The following ELMO1 variants were observed in gnomAD, a reference collection of about 807,000 sequenced individuals.
The protein encoded by ELMO1 is engulfment and cell motility protein 1.
ELMO1 carries 26 observed loss-of-function variants against 98.9 expected under a neutral mutation model. The observed-to-expected ratio is 0.26, with a 90% CI of 0.19 to 0.36. The LOEUF (loss-of-function observed/expected upper bound fraction) is 0.36, where lower values mean the gene tolerates loss of function less well. ELMO1 is among the 10% of genes least tolerant of loss of function. ELMO1 has a pLI of 1.00. For missense variants in ELMO1, 627 were observed against 935.2 expected (o/e 0.67, Z 4.30); for synonymous variants, 346 against 346.0 (o/e 1.00, Z 0.00).
chr7:37,191,624 T>C (rs904527789), intron 13 of ELMO1, among the ~76,000 whole-genome samples: 1 of 151,996 alleles, frequency 6.6e-6, no homozygotes, highest in Non-Finnish European at 1.5e-5. Context: ...CTTAATAAAA[T>C]GTTATCTGGC....
chr7:37,292,572 G>A (rs1583473072), intron 4 of ELMO1, among the ~76,000 whole-genome samples: 1 of 111,626 alleles, frequency 9.0e-6, no homozygotes. Context: ...CCCATCGTCT[G>A]AGATGTGGGG....
intron 15 of ELMO1, among the ~76,000 whole-genome samples, chr7:37,075,485 T>C (rs1035249969): frequency 8.6e-5 from 13 of 151,836 alleles, no homozygotes; most frequent in African/African-American, 2.9e-4. Flanking sequence ...CGGAACATTA[T>C]CTTTCCGATA....
chr7:37,398,128 C>T (rs921788223), intron 1 of ELMO1, among the ~76,000 whole-genome samples: 15 of 152,260 alleles, frequency 9.9e-5, no homozygotes, highest in Admixed American at 1.3e-4. Flanking sequence ...ATATAACAAA[C>T]GTGCACACCT....
intron 15 of ELMO1, among the ~76,000 whole-genome samples, chr7:37,055,695 T>C (rs948387943): frequency 6.6e-6 from 1 of 152,168 alleles, no homozygotes; most frequent in Non-Finnish European, 1.5e-5. Flanking sequence ...GCAACACACA[T>C]GCTCACCACA....
At chr7:36,907,151 CAA>C (rs200163255) in intron 16 of ELMO1, among the ~76,000 whole-genome samples, 1 of 144,946 alleles carries the variant, frequency 6.9e-6, no homozygotes, top group African/African-American at 2.5e-5. Context: ...TATGTGCAAA[CAA>C]AAAAAAAAAT....
At chr7:37,125,017 C>G (rs541158703) in intron 14 of ELMO1, among the ~76,000 whole-genome samples, 218 of 152,154 alleles carry the variant, frequency 1.4e-3, no homozygotes, top group Non-Finnish European at 1.4e-3. Context: ...ACAAACCTGA[C>G]AAAAACAAGA....
intron 14 of ELMO1, among the ~76,000 whole-genome samples, 175 bp from the exon 15 acceptor site, chr7:37,096,902 T>TC (rs956052813): frequency 6.6e-6 from 1 of 152,042 alleles, no homozygotes; most frequent in Non-Finnish European, 1.5e-5. Context: ...GTCTCATTTA[T>TC]CCCCCCCAAA....
At chr7:37,067,198 G>A (rs887087814) in intron 15 of ELMO1, among the ~76,000 whole-genome samples, 5 of 151,964 alleles carry the variant, frequency 3.3e-5, no homozygotes, top group African/African-American at 9.7e-5. Flanking sequence ...AGGGTGGCAC[G>A]CAACCCAAGC....
At chr7:37,033,324 A>G in intron 15 of ELMO1, 4 of 450,650 alleles carry the variant, frequency 8.9e-6, no homozygotes, top group South Asian at 6.2e-5. Context: ...AAAAGGGGAT[A>G]AAAATACTTG....
At chr7:36,981,285 C>T (rs908200273) in intron 16 of ELMO1, among the ~76,000 whole-genome samples, 4 of 151,314 alleles carry the variant, frequency 2.6e-5, no homozygotes, top group Non-Finnish European at 5.9e-5. Flanking sequence ...AGACTAGATG[C>T]CTCTAGGAAG....
intron 9 of ELMO1, among the ~76,000 whole-genome samples, chr7:37,223,018 A>C (rs975961945): frequency 3.9e-5 from 6 of 152,154 alleles, no homozygotes; most frequent in Non-Finnish European, 8.8e-5. Flanking sequence ...AGATGTATGT[A>C]TGTCTGTATG....
intron 16 of ELMO1, among the ~76,000 whole-genome samples, chr7:37,003,262 C>T (rs549737573): frequency 6.6e-5 from 10 of 152,246 alleles, no homozygotes; most frequent in Admixed American, 2.0e-4. Context: ...GTAGCTCACA[C>T]CTTTAATCCC....
chr7:37,030,687 A>C (rs943972105), intron 15 of ELMO1, among the ~76,000 whole-genome samples: 3 of 152,142 alleles, frequency 2.0e-5, no homozygotes, highest in Non-Finnish European at 4.4e-5. Flanking sequence ...TCTTCTTCCC[A>C]ATCTCCTTGC....
At chr7:36,905,799 A>C (rs1367654730) in intron 16 of ELMO1, among the ~76,000 whole-genome samples, 1 of 152,346 alleles carries the variant, frequency 6.6e-6, no homozygotes, top group Middle Eastern at 3.4e-3. Context: ...TGAATGAGCT[A>C]AACAGAAGAT....
At chr7:36,920,246 GAATGA>G (rs1441415612) in intron 16 of ELMO1, among the ~76,000 whole-genome samples, 1 of 152,220 alleles carries the variant, frequency 6.6e-6, no homozygotes, top group African/African-American at 2.4e-5. Context: ...ATGAATGAGT[GAATGA>G]AATAAGTTGC....
intron 7 of ELMO1, among the ~76,000 whole-genome samples, chr7:37,240,955 T>C (rs1180303912): frequency 6.6e-6 from 1 of 152,302 alleles, no homozygotes; most frequent in African/African-American, 2.4e-5. Flanking sequence ...TGATGCTTTA[T>C]AAATGACAAT....
intron 13 of ELMO1, among the ~76,000 whole-genome samples, chr7:37,151,346 G>T (rs139249630): frequency 4.6e-5 from 7 of 152,048 alleles, no homozygotes; most frequent in Admixed American, 3.3e-4. Flanking sequence ...TTCACAGTTC[G>T]TCAGGGGGAC....
chr7:37,427,950 T>A (rs918808126), intron 1 of ELMO1, among the ~76,000 whole-genome samples: 3 of 152,092 alleles, frequency 2.0e-5, no homozygotes, highest in Non-Finnish European at 4.4e-5. Context: ...TTCTGATCAA[T>A]AGGGGAGAAA....
intron 15 of ELMO1, among the ~76,000 whole-genome samples, chr7:37,049,031 A>G (rs935675721): frequency 7.2e-5 from 11 of 152,170 alleles, no homozygotes; most frequent in African/African-American, 2.4e-4. Flanking sequence ...TTTTTGATTC[A>G]TAACTTGGTA....
Sources: allele counts gnomAD v4.1 joint callset (sites outside exome capture counted in the v4.1 genomes callset), GRCh38; gene constraint gnomAD v4.1.1; transcripts MANE v1.5; gene names NCBI Gene and HGNC (gene_info 2026-07-23, HGNC 2026-07-21).